Variants in CREB3L2 observed in about 807,000 individuals in gnomAD.
CREB3L2 encodes the protein cAMP responsive element binding protein 3 like 2.
A neutral mutation model predicts 57.2 loss-of-function variants in CREB3L2; 23 were observed. The observed-to-expected ratio is 0.40, with a 90% CI of 0.29 to 0.57. CREB3L2 has a LOEUF of 0.57. Ranked by LOEUF, CREB3L2 falls within the 20% of genes least tolerant of loss-of-function variation. CREB3L2 has a pLI of 0.42. For missense variants in CREB3L2, 628 were observed against 634.7 expected (o/e 0.99, Z 0.11); for synonymous variants, 268 against 265.1 (o/e 1.01, Z -0.11).
At chr7:137,927,508 A>AATAT (rs1432067819) in intron 2 of CREB3L2, among the ~76,000 whole-genome samples, 3 of 152,126 alleles carry the variant, frequency 2.0e-5, no homozygotes, top group Non-Finnish European at 4.4e-5. Context: ...CTTAAAAGAT[A>AATAT]TATATGCCTT....
intron 1 of CREB3L2, 139 bp from the exon 2 acceptor site, chr7:137,928,505 T>A: frequency 1.4e-6 from 1 of 710,722 alleles, no homozygotes; most frequent in Non-Finnish European, 2.5e-6. Context: ...GCTCGTGCTG[T>A]GTAGCAAACC....
rs537183777 is a variant in CREB3L2, at chr7:137,943,137, T to G, written c.103-14771A>C. ...AGTCACTGAACCCCTCTGGGTCTCT[T>G]TTGTTAGGAAATAAAATAAGAGGTG... is the stretch of plus-strand genomic sequence containing the variant. On this transcript the variant is annotated intron_variant, in intron 1 of 11. Transcript: ENST00000330387. Among the ~76,000 whole-genome samples, 287 of 152,260 alleles carry G rather than the reference T, an allele frequency of 1.9e-3. 4 individuals carry two copies. The highest frequency in any genetic ancestry group is 6.5e-3 in the African/African-American group (272 of 41,546).
chr7:137,982,392 T>C (rs1320648497), intron 1 of CREB3L2, among the ~76,000 whole-genome samples: 3 of 152,034 alleles, frequency 2.0e-5, no homozygotes, highest in Non-Finnish European at 4.4e-5. Context: ...GGGGTTGAAT[T>C]GTGTTCCCTG....
At chr7:137,986,074 T>C (rs1801787908) in intron 1 of CREB3L2, among the ~76,000 whole-genome samples, 2 of 152,236 alleles carry the variant, frequency 1.3e-5, no homozygotes, top group Admixed American at 1.3e-4. Context: ...AGTGACACTT[T>C]ACTTATGTCA....
intron 8 of CREB3L2, among the ~76,000 whole-genome samples, chr7:137,890,715 C>T (rs765230): frequency 0.02 from 3,102 of 152,256 alleles, 96 homozygotes; most frequent in African/African-American, 0.072. Flanking sequence ...CCTGTGACCT[C>T]GTAACTGATA....
rs1800523680 is a variant in CREB3L2, at chr7:137,928,243, G to C, written c.226C>G (p.Leu76Val). 6.2e-7 allele frequency: 1 copy of C among 1,612,834 alleles called. No individual in the cohort carries two copies. The highest frequency in any genetic ancestry group is 8.5e-7 in the Non-Finnish European group (1 of 1,179,504). The change falls in exon 2 of 12, where the codon CTC becomes GTC. Residue 76 changes from leucine (L) to valine (V), a missense_variant. Around this residue, in one of 3 missense-constraint regions of CREB3L2, gnomAD observed 339 missense variants for 355.4 expected, o/e 0.95. Coordinates refer to ENST00000330387, the MANE Select transcript of CREB3L2 (RefSeq NM_194071.4). Reference protein sequence around the residue: ...VEPSPTSPAPLIQAEHSYSLC... With the variant: ...VEPSPTSPAPVIQAEHSYSLC... ...GAGTAGCTGTGCTCAGCCTGGATGA[G>C]AGGCGCCGGGGACGTCGGGGAAGGT... is the stretch of plus-strand genomic sequence containing the variant.
chr7:137,881,706 T>C (rs1331304486), intron 11 of CREB3L2, among the ~76,000 whole-genome samples: 6 of 152,178 alleles, frequency 3.9e-5, no homozygotes, highest in Non-Finnish European at 8.8e-5. Flanking sequence ...TCACCAACCA[T>C]GTCACACGTA....
At chr7:137,890,600 C>A (rs1365739923) in intron 8 of CREB3L2, among the ~76,000 whole-genome samples, 1 of 152,198 alleles carries the variant, frequency 6.6e-6, no homozygotes, top group Non-Finnish European at 1.5e-5. Flanking sequence ...GAAAATGCCC[C>A]CTCCCAGGGT....
chr7:137,947,512 C>G (rs547303980), intron 1 of CREB3L2, among the ~76,000 whole-genome samples: 92 of 152,200 alleles, frequency 6.0e-4, no homozygotes, highest in African/African-American at 2.1e-3. Context: ...CTCCGGGGCT[C>G]CCCTGAGCCT....
intron 1 of CREB3L2, among the ~76,000 whole-genome samples, chr7:137,978,487 C>G (rs1801649075): frequency 6.6e-6 from 1 of 152,178 alleles, no homozygotes; most frequent in African/African-American, 2.4e-5. Context: ...TTCACTCCTT[C>G]CTGTGCCTGA....
At chr7:137,886,747 T>G (rs1356223475) in intron 8 of CREB3L2, among the ~76,000 whole-genome samples, 1 of 151,824 alleles carries the variant, frequency 6.6e-6, no homozygotes, top group Non-Finnish European at 1.5e-5. Flanking sequence ...GGAGACGTTT[T>G]ATCCCTAAAA....
At chr7:137,932,350 G>T (rs928653544) in intron 1 of CREB3L2, among the ~76,000 whole-genome samples, 1 of 152,094 alleles carries the variant, frequency 6.6e-6, no homozygotes, top group Non-Finnish European at 1.5e-5. Context: ...TCAGAATGTG[G>T]TTTAAAGGCA....
intron 8 of CREB3L2, among the ~76,000 whole-genome samples, chr7:137,899,034 A>G: frequency 6.7e-6 from 1 of 148,578 alleles, no homozygotes; most frequent in Non-Finnish European, 1.5e-5. Flanking sequence ...GGAAGGAAGA[A>G]AGGAAGAAAA....
At chr7:137,942,636 T>G (rs1800897638) in intron 1 of CREB3L2, among the ~76,000 whole-genome samples, 1 of 152,104 alleles carries the variant, frequency 6.6e-6, no homozygotes, top group Non-Finnish European at 1.5e-5. Flanking sequence ...ATAAATAGAA[T>G]CTAGTGATCT....
intron 1 of CREB3L2, among the ~76,000 whole-genome samples, chr7:137,928,785 G>A (rs1390104551): frequency 6.6e-5 from 10 of 152,092 alleles, no homozygotes; most frequent in Non-Finnish European, 1.2e-4. Flanking sequence ...CAGACATCAC[G>A]CATCATTACA....
At chr7:137,903,885 C>A in intron 7 of CREB3L2, 74 bp downstream of exon 7, 6 of 1,282,740 alleles carry the variant, frequency 4.7e-6, no homozygotes. Context: ...AACTGCTTCT[C>A]CCCGATTCTC....
chr7:137,955,023 G>T (rs1366020432), intron 1 of CREB3L2, among the ~76,000 whole-genome samples: 2 of 152,090 alleles, frequency 1.3e-5, no homozygotes, highest in Non-Finnish European at 2.9e-5. Context: ...AAGTTCCCTG[G>T]ACAGAGCCAC....
chr7:137,952,044 TTTTTC>T (rs760017587), intron 1 of CREB3L2, among the ~76,000 whole-genome samples: 9 of 151,998 alleles, frequency 5.9e-5, no homozygotes, highest in Non-Finnish European at 1.2e-4. Context: ...AACATAAGAG[TTTTTC>T]TTTTCTTATT....
intron 1 of CREB3L2, chr7:137,936,044 T>G: frequency 2.1e-6 from 1 of 468,702 alleles, no homozygotes; most frequent in Non-Finnish European, 2.8e-6. Flanking sequence ...AAAGGAAGGA[T>G]TCATAATTCT....
Sources: gnomAD v4.1 joint callset for allele counts (sites outside exome capture counted in the v4.1 genomes callset) on GRCh38, gnomAD v4.1.1 for gene constraint, gnomAD v4.1.1 regional missense constraint, MANE v1.5 for transcripts, NCBI Gene and HGNC (gene_info 2026-07-23, HGNC 2026-07-21) for gene names.